The following ADAMTS18 variants were observed in gnomAD, a reference collection of about 807,000 sequenced individuals.
ADAMTS18 encodes the protein ADAM metallopeptidase with thrombospondin type 1 motif 18, also known as A disintegrin and metalloproteinase with thrombospondin motifs 18.
A neutral mutation model predicts 165.9 loss-of-function variants in ADAMTS18; 157 were observed. The ratio of observed to expected loss-of-function variants is 0.95; its 90% confidence interval spans 0.83 to 1.08. The LOEUF (loss-of-function observed/expected upper bound fraction) is 1.08. Among genes scored for constraint, ADAMTS18 ranks in the 50% least tolerant of loss-of-function variants. The pLI, the probability that ADAMTS18 is intolerant of heterozygous loss-of-function variation, is 0.00. For synonymous variants in ADAMTS18, 782 were observed against 578.2 expected (o/e 1.35, Z -5.06); for missense variants, 2,040 against 1,534.0 (o/e 1.33, Z -5.51).
At chr16:77,411,547 T>C (rs1312942031) in intron 3 of ADAMTS18, among the ~76,000 whole-genome samples, 1 of 152,112 alleles carries the variant, frequency 6.6e-6, no homozygotes, top group Non-Finnish European at 1.5e-5. Context: ...AATAAGCACA[T>C]GACTAAATGT....
rs4038556 is a variant in ADAMTS18 at position 77,282,925 on chromosome 16, T to TTTA, written c.*1030_*1031insTAA. On this transcript the variant is annotated 3_prime_UTR_variant, in exon 23 of 23. Transcript: ENST00000282849. The stretch of plus-strand genomic sequence containing the variant: ...TTCTCTCTTTTTTTTTTTTTTTTTT[T>TTTA]TGCTGTTAGCTCAATCCTAGGGCAA... The TTTA allele has an allele frequency of 4.8e-5, 6 of 125,584 alleles. No homozygotes were observed. Among genetic ancestry groups the TTTA allele is most frequent in the Admixed American group, 2.5e-4 (3 of 12,120 alleles). 7.8% of individuals were successfully genotyped at this position (125,584 alleles called of 1,614,324 possible).
At chr16:77,359,291 A>G in intron 8 of ADAMTS18, 27 bp downstream of exon 8, 3 of 1,591,518 alleles carry the variant, frequency 1.9e-6, no homozygotes, top group Non-Finnish European at 2.6e-6. Context: ...GTTTTCACAT[A>G]AAGTAGTGGT....
intron 3 of ADAMTS18, among the ~76,000 whole-genome samples, chr16:77,390,761 C>A (rs550049051): frequency 2.6e-5 from 4 of 151,984 alleles, no homozygotes; most frequent in African/African-American, 7.2e-5. Flanking sequence ...CCCTTTACCC[C>A]ACCTGGTCTG....
At chr16:77,285,018 C>A (rs1312259209) in intron 22 of ADAMTS18, among the ~76,000 whole-genome samples, 1 of 152,128 alleles carries the variant, frequency 6.6e-6, no homozygotes, top group Non-Finnish European at 1.5e-5. Context: ...CAACACCAGT[C>A]CTTTCTAATT....
At chr16:77,347,908 TC>T (rs1195033040) in intron 10 of ADAMTS18, among the ~76,000 whole-genome samples, 1 of 152,176 alleles carries the variant, frequency 6.6e-6, no homozygotes, top group Admixed American at 6.5e-5. Context: ...AGATTTCTTA[TC>T]TAGAAAATGT....
chr16:77,403,581 C>G (rs1028154334), intron 3 of ADAMTS18, among the ~76,000 whole-genome samples: 1 of 152,224 alleles, frequency 6.6e-6, no homozygotes, highest in Non-Finnish European at 1.5e-5. Flanking sequence ...CTGAATATCT[C>G]TGCCCCTCTG....
intron 3 of ADAMTS18, among the ~76,000 whole-genome samples, chr16:77,385,688 T>A (rs2057096809): frequency 6.6e-6 from 1 of 152,186 alleles, no homozygotes; most frequent in Admixed American, 6.5e-5. Context: ...GTACGCTACG[T>A]GGCATCAACC....
In ADAMTS18 at chr16:77,283,388, C is replaced by CA. The variant is rs2055185604; in HGVS notation, c.*567dup. On this transcript the variant is annotated 3_prime_UTR_variant, in exon 23 of 23. Transcript: ENST00000282849. ...TAGTTTACACAAAATAATAAAGACA[C>CA]ACGCACACCAAATAAACATAACATG... The CA allele has an allele frequency of 6.4e-6, 1 of 157,222 alleles. No homozygotes were observed. The highest frequency in any genetic ancestry group is 1.4e-5 in the Non-Finnish European group (1 of 71,130). The allele number at this position is 157,222 out of a possible 1,614,324, so 9.7% of individuals were successfully genotyped here.
chr16:77,314,624 A>AGTGTGTGTGTGTGT (rs765802389), intron 16 of ADAMTS18, among the ~76,000 whole-genome samples: 4 of 67,436 alleles, frequency 5.9e-5, no homozygotes, highest in Admixed American at 1.3e-4. Flanking sequence ...AAAAAAAAAA[A>AGTGTGTGTGTGTGT]ATGTGTGTGT....
Position 77,434,690 on chromosome 16 carries a change from C to A in ADAMTS18, c.6G>T (p.Glu2Asp). Reference sequence around the variant, plus strand: ...AGGCACACGCGAGCAGGAGGGCGCACTCCATGGTCAGGTGCGGACGCGGCG... The same window carrying A: ...AGGCACACGCGAGCAGGAGGGCGCAATCCATGGTCAGGTGCGGACGCGGCG... M[E>D]CALLLACAFP... The change falls in exon 1 of 23, where the codon GAG becomes GAT. Residue 2 changes from glutamate (E) to aspartate (D), a missense_variant. Physicochemically the swap from Glu to Asp is conservative, Grantham distance 45 (BLOSUM62 2). Transcript: ENST00000282849. The A allele has an allele frequency of 6.8e-7, 1 of 1,468,736 alleles. No individual in the cohort carries two copies. The highest frequency in any genetic ancestry group is 9.0e-7 in the Non-Finnish European group (1 of 1,115,842). 91.0% of individuals were successfully genotyped at this position (1,468,736 alleles called of 1,614,324 possible).
At chr16:77,347,566 G>C (rs936647431) in intron 10 of ADAMTS18, among the ~76,000 whole-genome samples, 1 of 151,846 alleles carries the variant, frequency 6.6e-6, no homozygotes, top group Non-Finnish European at 1.5e-5. Flanking sequence ...TTGATATTGA[G>C]TACCATTTCA....
chr16:77,304,785 T>A (rs1338180875), intron 16 of ADAMTS18, among the ~76,000 whole-genome samples: 1 of 152,212 alleles, frequency 6.6e-6, no homozygotes, highest in Non-Finnish European at 1.5e-5. Flanking sequence ...ATAAAATACA[T>A]AGTAGCTATT....
intron 16 of ADAMTS18, among the ~76,000 whole-genome samples, chr16:77,307,735 T>C (rs576791301): frequency 6.6e-6 from 1 of 152,322 alleles, no homozygotes; most frequent in East Asian, 1.9e-4. Context: ...GTGTCTTGTG[T>C]CTTCACTCAG....
At chr16:77,386,466 A>C (rs2057109090) in intron 3 of ADAMTS18, among the ~76,000 whole-genome samples, 1 of 152,202 alleles carries the variant, frequency 6.6e-6, no homozygotes, top group South Asian at 2.1e-4. Flanking sequence ...CATTTCATCC[A>C]ATTTTTCAAG....
intron 12 of ADAMTS18, among the ~76,000 whole-genome samples, chr16:77,333,391 G>A (rs2056222208): frequency 6.6e-6 from 1 of 151,566 alleles, no homozygotes; most frequent in Non-Finnish European, 1.5e-5. Flanking sequence ...GTTGATAGGT[G>A]CAGCAAACCA....
At chr16:77,350,433 T>C (rs139269372) in intron 10 of ADAMTS18, among the ~76,000 whole-genome samples, 2 of 152,210 alleles carry the variant, frequency 1.3e-5, no homozygotes, top group African/African-American at 2.4e-5. Flanking sequence ...GAAGAAACCG[T>C]ATTGTTTATC....
In ADAMTS18 at chr16:77,429,394, G is replaced by C. The variant is rs2057711418; in HGVS notation, c.495+1901C>G. ...TGGGAGCTAAATGATGAGAACTCATGAACACAAAGAAGGGAACAATAGACA... is the reference window on the plus strand; with the variant it reads ...TGGGAGCTAAATGATGAGAACTCATCAACACAAAGAAGGGAACAATAGACA... On this transcript the variant is annotated intron_variant, in intron 3 of 22. Transcript: ENST00000282849. Among the ~76,000 whole-genome samples, 4 of 152,152 alleles carry C rather than the reference G, an allele frequency of 2.6e-5. No individual in the cohort carries two copies. The South Asian group carries it at 8.3e-4, about 31-fold the overall frequency.
At chr16:77,322,779 G>A (rs967672589) in intron 13 of ADAMTS18, among the ~76,000 whole-genome samples, 2 of 152,082 alleles carry the variant, frequency 1.3e-5, no homozygotes, top group African/African-American at 2.4e-5. Flanking sequence ...GGTTTCAAAG[G>A]CCTGATGGTC....
At chr16:77,430,523 G>A (rs1340961493) in intron 3 of ADAMTS18, among the ~76,000 whole-genome samples, 3 of 152,164 alleles carry the variant, frequency 2.0e-5, no homozygotes, top group African/African-American at 7.2e-5. Context: ...CAATCACCAT[G>A]TGTCTCAACA....
Sources: allele counts gnomAD v4.1 joint callset (sites outside exome capture counted in the v4.1 genomes callset), GRCh38; gene constraint gnomAD v4.1.1; transcripts MANE v1.5; gene names NCBI Gene and HGNC (gene_info 2026-07-23, HGNC 2026-07-21).